Variants in CKAP2L observed in about 807,000 individuals in gnomAD.
CKAP2L encodes the protein cytoskeleton associated protein 2L.
Under a neutral mutation model 65.7 loss-of-function variants are expected in CKAP2L, and 42 were observed. The observed-to-expected ratio is 0.64, with a 90% CI of 0.50 to 0.83. The LOEUF is 0.83. Ranked by LOEUF, CKAP2L falls within the 40% of genes least tolerant of loss-of-function variation. The pLI is 0.00. For synonymous variants in CKAP2L, 325 were observed against 313.5 expected, an observed-to-expected ratio of 1.04 and a Z score of -0.39; for missense variants, 908 against 871.0, an observed-to-expected ratio of 1.04 and a Z score of -0.53.
Position 112,752,263 on chromosome 2 carries a change from T to C in CKAP2L, c.1602+4A>G. On this transcript the variant is annotated splice_donor_region_variant and intron_variant, in intron 5 of 8. Transcript: ENST00000302450. ...AGCTGGAGGAGCTTATCTTCTTCACTTACCCCTTCGATGAGGTTCAGACAT... is the reference window on the plus strand; with the variant it reads ...AGCTGGAGGAGCTTATCTTCTTCACCTACCCCTTCGATGAGGTTCAGACAT... 4.4e-6 allele frequency: 7 copies of C among 1,607,860 alleles called. No homozygotes were observed. The highest frequency in any genetic ancestry group is 5.9e-6 in the Non-Finnish European group (7 of 1,176,522).
chr2:112,743,595 A>G (rs1680100168), intron 6 of CKAP2L, among the ~76,000 whole-genome samples: 1 of 151,784 alleles, frequency 6.6e-6, no homozygotes, highest in African/African-American at 2.4e-5. Context: ...GCGCCACCCC[A>G]TCTGGCTAAT....
chr2:112,761,729 A>AT (rs1202314828), intron 2 of CKAP2L, among the ~76,000 whole-genome samples: 2 of 152,206 alleles, frequency 1.3e-5, no homozygotes, highest in Admixed American at 1.3e-4. Context: ...CATCTACAGC[A>AT]TAAGCCCTGG....
At chr2:112,763,213 C>T (rs945365332) in intron 1 of CKAP2L, among the ~76,000 whole-genome samples, 5 of 152,174 alleles carry the variant, frequency 3.3e-5, no homozygotes, top group African/African-American at 9.7e-5. Context: ...GACTTGAAAA[C>T]AGGCTTTTCT....
chr2:112,738,555 T>C lies in CKAP2L; in HGVS notation c.*268A>G, dbSNP rs1374877583. On this transcript the variant is annotated 3_prime_UTR_variant, in exon 9 of 9. Transcript: ENST00000302450. Reference sequence around the variant, plus strand: ...GGGATTAAAGTAGATCAATAAAGTATAAATATTTATCATAGTTGTAGGGTA... The same window carrying C: ...GGGATTAAAGTAGATCAATAAAGTACAAATATTTATCATAGTTGTAGGGTA... 1.9e-5 allele frequency: 8 copies of C among 426,720 alleles called. No individual in the cohort carries two copies. The highest frequency in any genetic ancestry group is 3.4e-5 in the Non-Finnish European group (8 of 237,966). 26.4% of individuals were successfully genotyped at this position (426,720 alleles called of 1,614,324 possible).
At position 112,738,849 on chromosome 2, in the gene CKAP2L, A is replaced by G. The variant is rs1225986699; in HGVS notation, c.2212T>C (p.Leu738=). ...FRRNEALPVT[L]GFQTPES ...TATGATTCAGGGGTTTGAAACCCCA[A>G]TGTTACAGGCAGCGCCTCATTTCTA... is the stretch of plus-strand genomic sequence containing the variant. Residue 738 remains leucine (L), a synonymous_variant, in exon 9 of 9, where the codon TTG becomes CTG. Transcript: ENST00000302450. 32 of 1,612,722 alleles carry G rather than the reference A, an allele frequency of 2.0e-5. No individual in the cohort carries two copies. The highest frequency in any genetic ancestry group is 2.7e-5 in the Non-Finnish European group (32 of 1,178,694).
chr2:112,746,323 G>T (rs1574326581), intron 6 of CKAP2L, 97 bp downstream of exon 6: 1 of 964,886 alleles, frequency 1.0e-6, no homozygotes, highest in Non-Finnish European at 1.5e-6. Flanking sequence ...GTTGGATATT[G>T]ATGTTGCAAA....
At chr2:112,747,353 A>G (rs1200813469) in intron 5 of CKAP2L, among the ~76,000 whole-genome samples, 1 of 114,822 alleles carries the variant, frequency 8.7e-6, no homozygotes, top group Non-Finnish European at 1.8e-5. Flanking sequence ...TGGTACAAAA[A>G]CAAAACAAAT....
At position 112,742,691 on chromosome 2, in the gene CKAP2L, CA is replaced by C; in HGVS notation, c.1822+14del. On this transcript the variant is annotated intron_variant, in intron 7 of 8. Transcript: ENST00000302450. ...CAGCTAGAGAAGATGAATTTAAATT[CA>C]AAAATAATAGTACCTTCTGTGGTTC... 1.3e-6 allele frequency: 2 copies of C among 1,536,076 alleles called. No individual in the cohort carries two copies. The highest frequency in any genetic ancestry group is 1.8e-6 in the Non-Finnish European group (2 of 1,119,194).
chr2:112,757,599 A>C (rs1680585922), intron 3 of CKAP2L, among the ~76,000 whole-genome samples: 2 of 152,244 alleles, frequency 1.3e-5, no homozygotes, highest in South Asian at 4.2e-4. Flanking sequence ...CATATTGGCC[A>C]GGTTGGTCTT....
intron 4 of CKAP2L, among the ~76,000 whole-genome samples, chr2:112,753,311 ATC>A (rs1680433817): frequency 6.6e-6 from 1 of 152,106 alleles, no homozygotes; most frequent in Admixed American, 6.5e-5. Flanking sequence ...TCATCTCTGC[ATC>A]TGTTACAAAT....
At chr2:112,743,784 C>T (rs1250550995) in intron 6 of CKAP2L, among the ~76,000 whole-genome samples, 1 of 152,044 alleles carries the variant, frequency 6.6e-6, no homozygotes, top group Non-Finnish European at 1.5e-5. Context: ...TCCAGCTTTT[C>T]CTGTCTTTCT....
chr2:112,756,389 C>T lies in CKAP2L; in HGVS notation c.982G>A (p.Val328Met). The change falls in exon 4 of 9, where the codon GTG becomes ATG. Residue 328 changes from valine to methionine, a missense_variant. Coordinates refer to ENST00000302450, the MANE Select transcript of CKAP2L (RefSeq NM_152515.5). ...IRSYPVTEQR[V>M]KHTKPRTYPS... is the part of the protein sequence containing the mutation. Reference sequence around the variant, plus strand: ...TATGTTCTGGGTTTGGTGTGCTTCACTCTCTGTTCAGTAACAGGGTATGAC... The same window carrying T: ...TATGTTCTGGGTTTGGTGTGCTTCATTCTCTGTTCAGTAACAGGGTATGAC... 9 of 1,614,018 alleles carry T rather than the reference C, an allele frequency of 5.6e-6. No homozygotes were observed. The highest frequency in any genetic ancestry group is 7.6e-6 in the Non-Finnish European group (9 of 1,179,952).
At chr2:112,747,134 A>G (rs1019019471) in intron 5 of CKAP2L, among the ~76,000 whole-genome samples, 2 of 151,024 alleles carry the variant, frequency 1.3e-5, no homozygotes, top group African/African-American at 4.9e-5. Context: ...TCTGTTGCCC[A>G]GGCTGGAGTG....
At chr2:112,763,437 T>C (rs544337061) in intron 1 of CKAP2L, among the ~76,000 whole-genome samples, 4 of 152,140 alleles carry the variant, frequency 2.6e-5, no homozygotes, top group African/African-American at 9.6e-5. Flanking sequence ...ACACCTATAC[T>C]ATGGTGACTT....
chr2:112,742,585 G>C (rs1452318070), intron 7 of CKAP2L, 121 bp downstream of exon 7: 1 of 749,546 alleles, frequency 1.3e-6, no homozygotes, highest in Non-Finnish European at 2.4e-6. Context: ...GCCAGGTCAT[G>C]GAAACCAAGA....
Position 112,757,080 on chromosome 2 carries a change from T to A in CKAP2L, c.291A>T (p.Lys97Asn). 6.2e-7 allele frequency: 1 copy of A among 1,614,102 alleles called. No individual in the cohort carries two copies. Among genetic ancestry groups the A allele is most frequent in the Non-Finnish European group, 8.5e-7 (1 of 1,180,012 alleles). ...GSQKPKLEPP[K>N]LLGKRLTSEC... ...CTGAAGTCAGCCTTTTGCCCAGAAG[T>A]TTTGGTGGCTCCAACTTCGGCTTCT... The change falls in exon 4 of 9, where the codon AAA becomes AAT. Residue 97 changes from lysine to asparagine, a missense_variant. By Grantham distance (94) the Lys-to-Asn change is moderately conservative. Transcript: ENST00000302450.
At chr2:112,741,904 G>A (rs1679993132) in intron 7 of CKAP2L, among the ~76,000 whole-genome samples, 2 of 147,970 alleles carry the variant, frequency 1.4e-5, no homozygotes, top group Non-Finnish European at 1.5e-5. Context: ...GGGATTACAA[G>A]CACGCACCAC....
At chr2:112,755,868 A>G (rs1680516357) in intron 4 of CKAP2L, 109 bp downstream of exon 4, 1 of 1,078,988 alleles carries the variant, frequency 9.3e-7, no homozygotes, top group African/African-American at 1.6e-5. Context: ...CTGTAGTTAA[A>G]AATTACTTAG....
chr2:112,751,466 A>G (rs1376373055), intron 5 of CKAP2L, among the ~76,000 whole-genome samples: 2 of 152,314 alleles, frequency 1.3e-5, no homozygotes, highest in East Asian at 3.9e-4. Context: ...CTGATCATTT[A>G]TCTGCATTAC....
Sources: gnomAD v4.1 joint callset for allele counts (sites outside exome capture counted in the v4.1 genomes callset) on GRCh38, gnomAD v4.1.1 for gene constraint, MANE v1.5 for transcripts, NCBI Gene and HGNC (gene_info 2026-07-23, HGNC 2026-07-21) for gene names.